Variants in INPP4B observed in about 807,000 individuals in gnomAD.
INPP4B encodes the protein inositol polyphosphate-4-phosphatase type II B.
Under a neutral mutation model 122.5 loss-of-function variants are expected in INPP4B, and 55 were observed. That is an observed-to-expected ratio of 0.45 (90% CI 0.36 to 0.56). The LOEUF (loss-of-function observed/expected upper bound fraction) is 0.56. Among genes scored for constraint, INPP4B ranks in the 20% least tolerant of loss-of-function variants. The probability of loss-of-function intolerance (pLI) is 0.00; values close to 1 mark genes in which losing one functional copy is unlikely to be tolerated. For synonymous variants in INPP4B, 403 were observed against 388.7 expected (o/e 1.04, Z -0.43); for missense variants, 1,000 against 1,097.7 (o/e 0.91, Z 1.26).
At chr4:142,451,959 T>C (rs979236445) in intron 3 of INPP4B, among the ~76,000 whole-genome samples, 2 of 152,116 alleles carry the variant, frequency 1.3e-5, no homozygotes, top group Non-Finnish European at 2.9e-5. Context: ...AACGTGCAGG[T>C]CTGATACATA....
chr4:142,084,233 C>G (rs1290632405), intron 24 of INPP4B, among the ~76,000 whole-genome samples: 4 of 152,150 alleles, frequency 2.6e-5, no homozygotes, highest in African/African-American at 9.7e-5. Context: ...AAGCGATTCT[C>G]CTGCTTCAGC....
chr4:142,207,614 CG>C (rs1843090613), intron 14 of INPP4B, among the ~76,000 whole-genome samples: 1 of 152,014 alleles, frequency 6.6e-6, no homozygotes, highest in African/African-American at 2.4e-5. Flanking sequence ...CAGCATTAGT[CG>C]TTTACACGGG....
chr4:142,519,984 T>C (rs564755831), intron 2 of INPP4B, among the ~76,000 whole-genome samples: 15 of 152,198 alleles, frequency 9.9e-5, no homozygotes, highest in African/African-American at 3.6e-4. Context: ...ACACAGATTA[T>C]TTTATTAGTA....
chr4:142,260,761 A>C (rs754765886), intron 10 of INPP4B, among the ~76,000 whole-genome samples, 197 bp from the exon 11 acceptor site: 9 of 152,198 alleles, frequency 5.9e-5, no homozygotes, highest in African/African-American at 2.2e-4. Flanking sequence ...TGTATACAGA[A>C]TATGCTTATA....
At chr4:142,090,059 C>T (rs1270296958) in intron 23 of INPP4B, among the ~76,000 whole-genome samples, 2 of 152,166 alleles carry the variant, frequency 1.3e-5, no homozygotes, top group Non-Finnish European at 2.9e-5. Context: ...AACGCTGAGA[C>T]TCCAGAACAG....
At chr4:142,330,057 G>T (rs1373085035) in intron 7 of INPP4B, among the ~76,000 whole-genome samples, 3 of 152,142 alleles carry the variant, frequency 2.0e-5, no homozygotes, top group African/African-American at 7.2e-5. Flanking sequence ...AAAGCTCTAT[G>T]AATAAAATTG....
intron 2 of INPP4B, among the ~76,000 whole-genome samples, chr4:142,536,849 T>C (rs552371336): frequency 2.0e-5 from 3 of 152,182 alleles, no homozygotes; most frequent in East Asian, 3.9e-4. Context: ...TGGAGTGCAG[T>C]GGTGTGATCT....
chr4:142,719,564 T>A lies in INPP4B; in HGVS notation c.-191+6275A>T, dbSNP rs146067533. 1.4e-4 allele frequency among the ~76,000 whole-genome samples: 21 copies of A among 152,228 alleles called. No individual in the cohort carries two copies. The East Asian group carries it at 3.9e-3, about 28-fold the overall frequency. On this transcript the variant is annotated intron_variant, in intron 2 of 25. Coordinates refer to ENST00000262992, the MANE Select transcript of INPP4B (RefSeq NM_001101669.3). ...GTCTCAAATTCCTGGCCTCAAGTGATCTGCACGCCTCGGCCTCCCAAAGTG... is the reference window on the plus strand; with the variant it reads ...GTCTCAAATTCCTGGCCTCAAGTGAACTGCACGCCTCGGCCTCCCAAAGTG...
At chr4:142,171,609 G>C (rs1825670294) in intron 16 of INPP4B, among the ~76,000 whole-genome samples, 1 of 151,822 alleles carries the variant, frequency 6.6e-6, no homozygotes, top group South Asian at 2.1e-4. Context: ...AGTGCTCATA[G>C]ACTATACAAA....
At chr4:142,606,992 A>G (rs898281319) in intron 2 of INPP4B, among the ~76,000 whole-genome samples, 1 of 151,932 alleles carries the variant, frequency 6.6e-6, no homozygotes, top group Non-Finnish European at 1.5e-5. Context: ...AAATAAATCT[A>G]AACTATAAAT....
At chr4:142,414,240 T>C (rs1805212123) in intron 5 of INPP4B, among the ~76,000 whole-genome samples, 2 of 152,124 alleles carry the variant, frequency 1.3e-5, no homozygotes, top group South Asian at 4.1e-4. Flanking sequence ...TATTAAAACA[T>C]GTCACCATTA....
chr4:142,464,528 T>C (rs1195069719), intron 2 of INPP4B, among the ~76,000 whole-genome samples: 1 of 151,950 alleles, frequency 6.6e-6, no homozygotes, highest in Non-Finnish European at 1.5e-5. Flanking sequence ...TCATTTAATT[T>C]GGGGAAAAAA....
rs139049562 is a variant in INPP4B at position 142,106,017 on chromosome 4, T to C, written c.2374+2076A>G. 6.9e-3 allele frequency among the ~76,000 whole-genome samples: 1,050 copies of C among 152,272 alleles called. 7 individuals are homozygous for C. The highest frequency in any genetic ancestry group is 9.2e-3 in the Non-Finnish European group (629 of 68,020). On this transcript the variant is annotated intron_variant, in intron 23 of 25. Coordinates refer to ENST00000262992, the MANE Select transcript of INPP4B (RefSeq NM_001101669.3). ...GGAATAAACCCATATGTCATCATAA[T>C]TGTATAGATTGGAGTTGTACTTTTG... is the stretch of plus-strand genomic sequence containing the variant.
Position 142,305,506 on chromosome 4 carries a change from A to G in INPP4B, c.455T>C (p.Val152Ala). Residue 152 changes from valine (V) to alanine (A), a missense_variant, in exon 9 of 26, where the codon GTG becomes GCG. Physicochemically the swap from Val to Ala is moderately conservative, Grantham distance 64. Coordinates refer to ENST00000262992, the MANE Select transcript of INPP4B (RefSeq NM_001101669.3). The part of the protein sequence containing the change: ...RSFLGYASFK[V>A]GELLKSKEQL... Reference sequence around the variant, plus strand: ...CTCCTTTGACTTCAGCAGCTCTCCCACTTTAAAACTGGCATAGCCCAAGAA... The same window carrying G: ...CTCCTTTGACTTCAGCAGCTCTCCCGCTTTAAAACTGGCATAGCCCAAGAA... 1 of 1,613,032 alleles carries G rather than the reference A, an allele frequency of 6.2e-7. No homozygotes were observed. Among genetic ancestry groups the G allele is most frequent in the Non-Finnish European group, 8.5e-7 (1 of 1,179,360 alleles).
rs1005070551 is a variant in INPP4B at position 142,084,377 on chromosome 4, C to G, written c.2487+1767G>C. Among the ~76,000 whole-genome samples, 109 of 152,180 alleles carry G rather than the reference C, an allele frequency of 7.2e-4. 1 individual carries two copies. The highest frequency in any genetic ancestry group is 2.5e-3 in the African/African-American group (104 of 41,516). On this transcript the variant is annotated intron_variant, in intron 24 of 25. Coordinates refer to ENST00000262992, the MANE Select transcript of INPP4B (RefSeq NM_001101669.3). Reference sequence around the variant, plus strand: ...CTCGTGATCCGCCCGCCTCGGCCCCCCAAAGTGCTGAGATTACAGGTGTGA... The same window carrying G: ...CTCGTGATCCGCCCGCCTCGGCCCCGCAAAGTGCTGAGATTACAGGTGTGA...
chr4:142,740,163 T>G (rs766274230), intron 1 of INPP4B, among the ~76,000 whole-genome samples: 7 of 151,934 alleles, frequency 4.6e-5, no homozygotes, highest in Non-Finnish European at 1.0e-4. Context: ...ACAGAAATAA[T>G]TCAGCTGAAA....
chr4:142,422,117 A>G (rs1807027957), intron 5 of INPP4B, among the ~76,000 whole-genome samples: 1 of 152,076 alleles, frequency 6.6e-6, no homozygotes, highest in African/African-American at 2.4e-5. Flanking sequence ...ATATTATAGT[A>G]TGAACTCAGA....
At chr4:142,095,101 G>T (rs1006966357) in intron 23 of INPP4B, among the ~76,000 whole-genome samples, 1 of 151,998 alleles carries the variant, frequency 6.6e-6, no homozygotes, top group Non-Finnish European at 1.5e-5. Context: ...GTTATTTTCC[G>T]ACCCACTTGA....
intron 25 of INPP4B, among the ~76,000 whole-genome samples, chr4:142,067,068 C>A (rs760410323): frequency 2.0e-5 from 3 of 152,182 alleles, no homozygotes; most frequent in Admixed American, 1.3e-4. Context: ...TGGGAGACAC[C>A]TCCCAGTAGG....
Sources: gnomAD v4.1 joint callset for allele counts (sites outside exome capture counted in the v4.1 genomes callset) on GRCh38, gnomAD v4.1.1 for gene constraint, MANE v1.5 for transcripts, NCBI Gene and HGNC (gene_info 2026-07-23, HGNC 2026-07-21) for gene names.